FAM118B: variants seen among roughly 807,000 people sequenced by gnomAD.
FAM118B encodes protein FAM118B.
A neutral mutation model predicts 38.5 loss-of-function variants in FAM118B; 24 were observed. The observed-to-expected ratio is 0.62, with a 90% CI of 0.45 to 0.88. The LOEUF (loss-of-function observed/expected upper bound fraction) is 0.88. FAM118B is among the 40% of genes least tolerant of loss of function. The pLI is 0.00. For synonymous variants in FAM118B, 138 were observed against 156.3 expected, an observed-to-expected ratio of 0.88 and a Z score of 0.87; for missense variants, 334 against 420.0, an observed-to-expected ratio of 0.80 and a Z score of 1.79.
At chr11:126,237,780 C>T (rs1261796568) in intron 3 of FAM118B, among the ~76,000 whole-genome samples, 1 of 142,870 alleles carries the variant, frequency 7.0e-6, no homozygotes, top group African/African-American at 2.6e-5. Context: ...TCACTTGAAC[C>T]TGGGAGGCGG....
At position 126,262,497 on chromosome 11, in the gene FAM118B, G is replaced by T; in HGVS notation, c.*364G>T. ...GGTCTGGATGCCATGGAATCACTGT[G>T]GCTCTTGTTGCAGTTTTGTACTCTA... On this transcript the variant is annotated 3_prime_UTR_variant, in exon 9 of 9. Coordinates refer to ENST00000533050, the MANE Select transcript of FAM118B (RefSeq NM_024556.4). 1 of 296,616 alleles carries T rather than the reference G, an allele frequency of 3.4e-6. No homozygotes were observed. Among genetic ancestry groups the T allele is most frequent in the Non-Finnish European group, 6.2e-6 (1 of 160,164 alleles). 18.4% of individuals were successfully genotyped at this position (296,616 alleles called of 1,614,324 possible).
At position 126,256,508 on chromosome 11, in the gene FAM118B, T is replaced by C; in HGVS notation, c.697-59T>C. 1 of 1,540,004 alleles carries C rather than the reference T, an allele frequency of 6.5e-7. No individual in the cohort carries two copies. The stretch of plus-strand genomic sequence containing the variant: ...GCTCAACGTAGCATGACCTTCTTGT[T>C]TCAGACTTGCCTTGAGTGTGTCTTC... On this transcript the variant is annotated intron_variant, in intron 6 of 8. Coordinates refer to ENST00000533050, the MANE Select transcript of FAM118B (RefSeq NM_024556.4). The surrounding 1 kb of genome is among the most constrained non-coding windows in gnomAD (Gnocchi z 6.6).
intron 4 of FAM118B, among the ~76,000 whole-genome samples, chr11:126,246,572 C>A (rs1950421446): frequency 6.6e-6 from 1 of 151,972 alleles, no homozygotes; most frequent in Non-Finnish European, 1.5e-5. Context: ...TGTTAATAAC[C>A]CTGGGGCGGG....
In FAM118B at chr11:126,250,795, T is replaced by A; in HGVS notation, c.567+62T>A. 1 of 1,290,410 alleles carries A rather than the reference T, an allele frequency of 7.7e-7. No homozygotes were observed. The allele number at this position is 1,290,410 out of a possible 1,614,324, so 79.9% of individuals were successfully genotyped here. On this transcript the variant is annotated intron_variant, in intron 5 of 8. Coordinates refer to ENST00000533050, the MANE Select transcript of FAM118B (RefSeq NM_024556.4). The surrounding 1 kb of genome is among the most constrained non-coding windows in gnomAD (Gnocchi z 5.1). Reference sequence around the variant, plus strand: ...TGGATTTTATCTTCCTCAGAAAAGCTCTTTTCTAGTTGGTATATTGGTATT... The same window carrying A: ...TGGATTTTATCTTCCTCAGAAAAGCACTTTTCTAGTTGGTATATTGGTATT...
At chr11:126,234,947 T>C (rs532335233) in intron 2 of FAM118B, 48 bp from the exon 3 acceptor site, 1 of 1,436,822 alleles carries the variant, frequency 7.0e-7, no homozygotes, top group Admixed American at 1.8e-5. Context: ...TTTTGAATAG[T>C]ATACTTTACA....
Position 126,250,530 on chromosome 11 carries a change from T to A in FAM118B, c.364T>A (p.Phe122Ile). Residue 122 changes from phenylalanine (F) to isoleucine (I), a missense_variant, in exon 5 of 9, where the codon TTT (phenylalanine) becomes ATT (isoleucine). Around this residue, in one of 3 missense-constraint regions of FAM118B, gnomAD observed 240 missense variants for 295.9 expected, o/e 0.81. Transcript: ENST00000533050. The surrounding 1 kb of genome is among the most constrained non-coding windows in gnomAD (Gnocchi z 5.1). ...GCGTACCAGTAATGTTCGATCCACATTTTTCAAGGACTGTTTATATGAAGT... is the reference window on the plus strand; with the variant it reads ...GCGTACCAGTAATGTTCGATCCACAATTTTCAAGGACTGTTTATATGAAGT... ...SPRTSNVRST[F>I]FKDCLYEVFD... 6.2e-7 allele frequency: 1 copy of A among 1,613,762 alleles called. No individual in the cohort carries two copies. Among genetic ancestry groups the A allele is most frequent in the Non-Finnish European group, 8.5e-7 (1 of 1,179,662 alleles).
chr11:126,235,549 T>C (rs1311753711), intron 3 of FAM118B, among the ~76,000 whole-genome samples: 1 of 152,092 alleles, frequency 6.6e-6, no homozygotes, highest in African/African-American at 2.4e-5. Flanking sequence ...GACAGAGTCT[T>C]GCTGTGTCGC....
At chr11:126,211,956 T>G in intron 1 of FAM118B, 126 bp downstream of exon 1, 1 of 321,230 alleles carries the variant, frequency 3.1e-6, no homozygotes, top group Non-Finnish European at 5.8e-6. Context: ...CTCCTTTTGG[T>G]ACACGATCCC....
Position 126,219,349 on chromosome 11 carries a change from C to CTTTTTTTTTTTTTTTTTT in FAM118B, c.-77+7542_-77+7559dup, listed in dbSNP as rs549922825. On this transcript the variant is annotated intron_variant, in intron 1 of 8. Coordinates refer to ENST00000533050, the MANE Select transcript of FAM118B (RefSeq NM_024556.4). ...AGCTTATCCTTCAGCTCTTGTTTATCTTTTTTTTTTTTTTTTTTTTTTTTT... is the reference window on the plus strand; with the variant it reads ...AGCTTATCCTTCAGCTCTTGTTTATCTTTTTTTTTTTTTTTTTTTTTTTTTTTTTTTTTTTTTTTTTTT... 9.9e-4 allele frequency among the ~76,000 whole-genome samples: 44 copies of CTTTTTTTTTTTTTTTTTT among 44,466 alleles called. 6 individuals carry two copies. The highest frequency in any genetic ancestry group is 1.6e-3 in the Non-Finnish European group (41 of 25,872). The allele number at this position is 44,466 out of a possible 152,430, so 29.2% of individuals were successfully genotyped here.
At chr11:126,217,504 C>T (rs1042828437) in intron 1 of FAM118B, among the ~76,000 whole-genome samples, 1 of 152,182 alleles carries the variant, frequency 6.6e-6, no homozygotes, top group African/African-American at 2.4e-5. Flanking sequence ...TTGGCCTTCA[C>T]CTGTGTTTTT....
chr11:126,248,694 A>T (rs1481694979), intron 4 of FAM118B, among the ~76,000 whole-genome samples: 1 of 152,090 alleles, frequency 6.6e-6, no homozygotes, highest in South Asian at 2.1e-4. Flanking sequence ...TAACTGACAC[A>T]CTTAGGATAA....
At chr11:126,237,215 C>CATT (rs1555052709) in intron 3 of FAM118B, among the ~76,000 whole-genome samples, 1 of 43,100 alleles carries the variant, frequency 2.3e-5, no homozygotes, top group African/African-American at 8.4e-5. Flanking sequence ...CGCGCCTGGC[C>CATT]TTTTTTTTTT....
chr11:126,239,948 C>T (rs924017057), intron 3 of FAM118B, among the ~76,000 whole-genome samples: 1 of 152,312 alleles, frequency 6.6e-6, no homozygotes, highest in Non-Finnish European at 1.5e-5. Flanking sequence ...TGCCAAAATG[C>T]TGATCCTCTC....
intron 4 of FAM118B, among the ~76,000 whole-genome samples, chr11:126,248,452 C>T (rs1320361143): frequency 3.2e-5 from 4 of 124,400 alleles, no homozygotes; most frequent in African/African-American, 1.2e-4. Context: ...CTCACTACAA[C>T]CTCTGCCTCC....
At chr11:126,220,727 G>T (rs938676730) in intron 1 of FAM118B, among the ~76,000 whole-genome samples, 3 of 152,046 alleles carry the variant, frequency 2.0e-5, no homozygotes, top group African/African-American at 7.2e-5. Context: ...GATGCTACCT[G>T]CTTGGCAAAA....
rs1220260672 is a variant in FAM118B, at chr11:126,250,113, A to G, written c.340-393A>G. Among the ~76,000 whole-genome samples, 5 of 137,024 alleles carry G rather than the reference A, an allele frequency of 3.6e-5. No homozygotes were observed. The highest frequency in any genetic ancestry group is 7.8e-5 in the Admixed American group (1 of 12,820). 89.9% of individuals were successfully genotyped at this position (137,024 alleles called of 152,430 possible). A position where few individuals can be genotyped will look rare whatever the true frequency, so the allele number is the denominator to read the frequency against. On this transcript the variant is annotated intron_variant, in intron 4 of 8. Transcript: ENST00000533050. This position sits in a 1 kb window ranked among gnomAD's most constrained non-coding sequence, Gnocchi z 5.1. Reference sequence around the variant, plus strand: ...CGGGATTTTTTTTTTTTTTTTTGAGATGGAGTCTCGCTCCGTCGCCCAGGC... The same window carrying G: ...CGGGATTTTTTTTTTTTTTTTTGAGGTGGAGTCTCGCTCCGTCGCCCAGGC...
intron 2 of FAM118B, among the ~76,000 whole-genome samples, chr11:126,232,778 A>G (rs1031352433): frequency 2.6e-4 from 40 of 151,610 alleles, no homozygotes; most frequent in African/African-American, 9.2e-4. Context: ...CCCCAAACTA[A>G]TGGATTGTCC....
intron 1 of FAM118B, among the ~76,000 whole-genome samples, chr11:126,215,397 A>G (rs1426856367): frequency 1.3e-5 from 2 of 152,108 alleles, no homozygotes; most frequent in Non-Finnish European, 1.5e-5. Context: ...GTGGTGTTGG[A>G]ATATACTTTT....
chr11:126,219,239 T>C (rs1279635756), intron 1 of FAM118B, among the ~76,000 whole-genome samples: 1 of 152,142 alleles, frequency 6.6e-6, no homozygotes, highest in Non-Finnish European at 1.5e-5. Flanking sequence ...TTATCATGTT[T>C]TATATTCTTA....
Sources: allele counts gnomAD v4.1 joint callset (sites outside exome capture counted in the v4.1 genomes callset), GRCh38; gene constraint gnomAD v4.1.1; regional missense constraint gnomAD v4.1.1; non-coding constraint Gnocchi (gnomAD v3.1); transcripts MANE v1.5; gene names NCBI Gene and HGNC (gene_info 2026-07-23, HGNC 2026-07-21).